Variants in SGK3 observed in about 807,000 individuals in gnomAD.
The protein encoded by SGK3 is serum/glucocorticoid regulated kinase family member 3.
A neutral mutation model predicts 68.5 loss-of-function variants in SGK3; 47 were observed. The observed-to-expected ratio is 0.69, with a 90% CI of 0.54 to 0.87. The LOEUF (loss-of-function observed/expected upper bound fraction) is 0.87, where lower values mean the gene tolerates loss of function less well. Among genes scored for constraint, SGK3 ranks in the 40% least tolerant of loss-of-function variants. SGK3 has a pLI of 0.00. For missense variants in SGK3, 479 were observed against 575.5 expected, an observed-to-expected ratio of 0.83 and a Z score of 1.72; for synonymous variants, 181 against 189.1, an observed-to-expected ratio of 0.96 and a Z score of 0.35.
chr8:66,763,471 G>A (rs1460211863), intron 1 of SGK3, among the ~76,000 whole-genome samples: 1 of 152,092 alleles, frequency 6.6e-6, no homozygotes, highest in Non-Finnish European at 1.5e-5. Context: ...TCTGCTGCAG[G>A]TCTGCAATCA....
chr8:66,853,250 G>T (rs911795808), intron 16 of SGK3, among the ~76,000 whole-genome samples: 2 of 152,026 alleles, frequency 1.3e-5, no homozygotes, highest in Admixed American at 6.6e-5. Flanking sequence ...ACAGTTAAGG[G>T]GATAAAATAT....
chr8:66,763,682 T>C (rs1484830071), intron 1 of SGK3, among the ~76,000 whole-genome samples: 1 of 152,006 alleles, frequency 6.6e-6, no homozygotes, highest in Non-Finnish European at 1.5e-5. Context: ...AATATACATA[T>C]GTATATTTTA....
intron 1 of SGK3, among the ~76,000 whole-genome samples, chr8:66,742,642 T>C (rs759359847): frequency 5.9e-5 from 9 of 152,206 alleles, no homozygotes. Context: ...ACTGGAATTA[T>C]GGGCATGAGC....
At chr8:66,793,913 G>A (rs1807567347) in intron 2 of SGK3, 81 bp downstream of exon 2, 1 of 1,423,860 alleles carries the variant, frequency 7.0e-7, no homozygotes, top group Non-Finnish European at 9.6e-7. Flanking sequence ...CTCCAACCTA[G>A]AACACCCCCT....
intron 5 of SGK3, among the ~76,000 whole-genome samples, chr8:66,820,308 G>A (rs779788187): frequency 6.6e-6 from 1 of 152,072 alleles, no homozygotes; most frequent in Non-Finnish European, 1.5e-5. Flanking sequence ...TTATATACTA[G>A]GTGACTTTTT....
intron 1 of SGK3, among the ~76,000 whole-genome samples, chr8:66,747,074 G>GTT (rs150608528): frequency 1.3e-5 from 2 of 151,464 alleles, no homozygotes; most frequent in African/African-American, 4.9e-5. Flanking sequence ...AAAAAAAAGG[G>GTT]TTTTTTTTCC....
intron 1 of SGK3, among the ~76,000 whole-genome samples, chr8:66,714,591 G>A (rs1162753786): frequency 6.6e-6 from 1 of 152,120 alleles, no homozygotes; most frequent in Non-Finnish European, 1.5e-5. Flanking sequence ...GGATTATGAA[G>A]TGTCTCTTGA....
chr8:66,790,974 A>C (rs1171851941), intron 1 of SGK3: 1 of 152,228 alleles, frequency 6.6e-6, no homozygotes, highest in Admixed American at 6.5e-5. Context: ...CATCAGTTAC[A>C]TGACATGCTC....
intron 1 of SGK3, among the ~76,000 whole-genome samples, chr8:66,718,664 G>T (rs1804712518): frequency 6.6e-6 from 1 of 151,870 alleles, no homozygotes; most frequent in Non-Finnish European, 1.5e-5. Context: ...GAGTAGCTGG[G>T]ATTACAGATG....
chr8:66,714,629 T>C (rs1349381198), intron 1 of SGK3, among the ~76,000 whole-genome samples: 2 of 152,224 alleles, frequency 1.3e-5, no homozygotes, highest in East Asian at 1.9e-4. Context: ...TCCTCTGATA[T>C]ATTAATAATT....
chr8:66,781,838 A>G (rs565666113), intron 1 of SGK3, among the ~76,000 whole-genome samples: 1 of 152,366 alleles, frequency 6.6e-6, no homozygotes, highest in East Asian at 1.9e-4. Flanking sequence ...TGATTACAGA[A>G]TGATGGAAAA....
intron 3 of SGK3, among the ~76,000 whole-genome samples, chr8:66,801,103 C>A (rs1807926051): frequency 6.6e-6 from 1 of 152,170 alleles, no homozygotes; most frequent in African/African-American, 2.4e-5. Context: ...GGTTGAGTAT[C>A]CCTTATCTGA....
chr8:66,766,415 C>G (rs1185660513), intron 1 of SGK3, among the ~76,000 whole-genome samples: 1 of 151,962 alleles, frequency 6.6e-6, no homozygotes, highest in South Asian at 2.1e-4. Flanking sequence ...CTCAGCTACT[C>G]GAGAGGCTGA....
rs148603922 is a variant in SGK3, at chr8:66,830,230, C to G, written c.468-1024C>G. 4.3e-3 allele frequency among the ~76,000 whole-genome samples: 653 copies of G among 152,220 alleles called. 6 individuals are homozygous for G. Among genetic ancestry groups the G allele is most frequent in the African/African-American group, 0.015 (621 of 41,530 alleles). ...TGAGGCTTGGAGTATGGCCTCAGCT[C>G]GCCTATTTACTGTTTGAGGGACCTG... is the stretch of plus-strand genomic sequence containing the variant. On this transcript the variant is annotated intron_variant, in intron 7 of 16. Coordinates refer to ENST00000521198, the MANE Select transcript of SGK3 (RefSeq NM_001033578.3).
At chr8:66,806,589 G>T (rs1005284937) in intron 4 of SGK3, among the ~76,000 whole-genome samples, 2 of 152,054 alleles carry the variant, frequency 1.3e-5, no homozygotes, top group African/African-American at 4.8e-5. Context: ...GAGGTGGGCG[G>T]ATCACTTGAG....
intron 2 of SGK3, among the ~76,000 whole-genome samples, chr8:66,797,827 C>A (rs1361038565): frequency 6.6e-6 from 1 of 152,022 alleles, no homozygotes; most frequent in Non-Finnish European, 1.5e-5. Flanking sequence ...GTATTTTATT[C>A]TTTGGCAAAA....
At chr8:66,778,486 C>T (rs1300993676) in intron 1 of SGK3, among the ~76,000 whole-genome samples, 13 of 152,100 alleles carry the variant, frequency 8.5e-5, no homozygotes, top group Non-Finnish European at 1.5e-4. Flanking sequence ...TTAGTAGAGA[C>T]GGGGTTTCAC....
intron 1 of SGK3, among the ~76,000 whole-genome samples, chr8:66,755,522 G>C (rs953795986): frequency 1.3e-5 from 2 of 152,172 alleles, no homozygotes; most frequent in African/African-American, 4.8e-5. Flanking sequence ...TTGAGTTAGG[G>C]ATGCTTAGCC....
intron 1 of SGK3, among the ~76,000 whole-genome samples, chr8:66,768,416 C>A (rs1318077176): frequency 6.7e-6 from 1 of 149,134 alleles, no homozygotes; most frequent in East Asian, 2.0e-4. Flanking sequence ...ATGAATTTTT[C>A]AGCTTTTTTT....
Sources: allele counts gnomAD v4.1 joint callset (sites outside exome capture counted in the v4.1 genomes callset), GRCh38; gene constraint gnomAD v4.1.1; transcripts MANE v1.5; gene names NCBI Gene and HGNC (gene_info 2026-07-23, HGNC 2026-07-21).